CFAP95: variants seen among roughly 807,000 people sequenced by gnomAD.
The protein encoded by CFAP95 is cilia- and flagella-associated protein 95.
chr9:69,822,498 G>A, the CFAP95 span, among the ~76,000 whole-genome samples: 1 of 152,124 alleles, frequency 6.6e-6, no homozygotes, highest in African/African-American at 2.4e-5. Flanking sequence ...TCCTCTTTTA[G>A]CCTCATATAG....
chr9:69,836,199 C>T, the CFAP95 span, among the ~76,000 whole-genome samples: 1 of 152,134 alleles, frequency 6.6e-6, no homozygotes, highest in Admixed American at 6.5e-5. Context: ...TTTATGTTGG[C>T]CCCATCCTTT....
the CFAP95 span, among the ~76,000 whole-genome samples, chr9:69,825,862 C>A: frequency 2.0e-5 from 3 of 152,144 alleles, no homozygotes; most frequent in African/African-American, 7.2e-5. Flanking sequence ...TCATTGGGAT[C>A]TCCATGGAGA....
chr9:69,858,645 A>G, the CFAP95 span, among the ~76,000 whole-genome samples: 1 of 152,232 alleles, frequency 6.6e-6, no homozygotes, highest in Admixed American at 6.5e-5. Context: ...AAACAGACAT[A>G]AAACAAAGTT....
At chr9:69,824,078 C>A in the CFAP95 span, among the ~76,000 whole-genome samples, 1 of 151,990 alleles carries the variant, frequency 6.6e-6, no homozygotes, top group Non-Finnish European at 1.5e-5. Context: ...TCAAGGAGCT[C>A]CATAGGGCAG....
At chr9:69,855,400 A>G in the CFAP95 span, among the ~76,000 whole-genome samples, 6,531 of 152,292 alleles carry the variant, frequency 0.043, 463 homozygotes, top group African/African-American at 0.15. Context: ...TTTTTGGTCA[A>G]TCTTATACCT....
At chr9:69,895,595 A>C in the CFAP95 span, among the ~76,000 whole-genome samples, 3 of 152,172 alleles carry the variant, frequency 2.0e-5, no homozygotes, top group Admixed American at 6.5e-5. Flanking sequence ...ATTCAAACTT[A>C]GTTGAAAATT....
At chr9:69,867,538 C>T in the CFAP95 span, among the ~76,000 whole-genome samples, 2 of 152,140 alleles carry the variant, frequency 1.3e-5, no homozygotes, top group Non-Finnish European at 2.9e-5. Flanking sequence ...TTTTTCCCTC[C>T]CTGAACATGC....
At chr9:69,874,750 C>G in the CFAP95 span, among the ~76,000 whole-genome samples, 1 of 152,136 alleles carries the variant, frequency 6.6e-6, no homozygotes, top group Non-Finnish European at 1.5e-5. Context: ...AAGGAAATCC[C>G]AAAGAGGGCC....
chr9:69,822,009 T>A, the CFAP95 span, among the ~76,000 whole-genome samples: 1 of 152,160 alleles, frequency 6.6e-6, no homozygotes, highest in Admixed American at 6.5e-5. Context: ...ACCTGGAAAT[T>A]CACTTTCTCT....
At chr9:69,883,822 T>A in the CFAP95 span, among the ~76,000 whole-genome samples, 2,671 of 43,618 alleles carry the variant, frequency 0.061, 52 homozygotes, top group African/African-American at 0.11. Flanking sequence ...TTTATTTTTT[T>A]AAAAAAAAAC....
At chr9:69,827,086 G>A in the CFAP95 span, among the ~76,000 whole-genome samples, 4 of 152,100 alleles carry the variant, frequency 2.6e-5, no homozygotes, top group Admixed American at 1.3e-4. Flanking sequence ...TTTTTAAATG[G>A]GAGCTAAGCT....
the CFAP95 span, chr9:69,844,504 A>AT: frequency 1.3e-6 from 2 of 1,567,430 alleles, no homozygotes; most frequent in Non-Finnish European, 1.7e-6. Context: ...CGGACTCCTA[A>AT]TTTTTTCTTA....
At chr9:69,891,454 T>C in the CFAP95 span, among the ~76,000 whole-genome samples, 1 of 151,996 alleles carries the variant, frequency 6.6e-6, no homozygotes, top group Admixed American at 6.6e-5. Context: ...ATTTTACAAC[T>C]GAGTTGATAT....
At chr9:69,826,305 T>C in the CFAP95 span, among the ~76,000 whole-genome samples, 2 of 151,896 alleles carry the variant, frequency 1.3e-5, no homozygotes. Context: ...GAAAAGAGAG[T>C]GTCTGAATTT....
the CFAP95 span, among the ~76,000 whole-genome samples, chr9:69,871,992 C>T: frequency 3.9e-5 from 6 of 152,134 alleles, no homozygotes; most frequent in Non-Finnish European, 8.8e-5. Flanking sequence ...GCTTTACATG[C>T]CATATTTTAT....
chr9:69,825,313 C>T, the CFAP95 span, among the ~76,000 whole-genome samples: 1 of 152,138 alleles, frequency 6.6e-6, no homozygotes, highest in Non-Finnish European at 1.5e-5. Context: ...TAACACAGTT[C>T]AAACATTTAG....
At chr9:69,840,321 A>G in the CFAP95 span, among the ~76,000 whole-genome samples, 1 of 152,198 alleles carries the variant, frequency 6.6e-6, no homozygotes, top group Non-Finnish European at 1.5e-5. Context: ...ATTTTTATAT[A>G]TGTATATATT....
the CFAP95 span, among the ~76,000 whole-genome samples, chr9:69,868,617 C>T: frequency 6.8e-6 from 1 of 146,984 alleles, no homozygotes; most frequent in South Asian, 2.2e-4. Flanking sequence ...GAGATCATGC[C>T]ATTGCACTCC....
the CFAP95 span, among the ~76,000 whole-genome samples, chr9:69,901,796 C>G: frequency 8.5e-5 from 13 of 152,246 alleles, no homozygotes; most frequent in African/African-American, 1.4e-4. Context: ...CTAGTTTACA[C>G]TCCCACCAAC....
Sources: allele counts gnomAD v4.1 joint callset (sites outside exome capture counted in the v4.1 genomes callset), GRCh38; gene constraint gnomAD v4.1.1; transcripts MANE v1.5; gene names NCBI Gene and HGNC (gene_info 2026-07-23, HGNC 2026-07-21).